The following PDE1A variants were observed in gnomAD, a reference collection of about 807,000 sequenced individuals.
The protein encoded by PDE1A is dual specificity calcium/calmodulin-dependent 3',5'-cyclic nucleotide phosphodiesterase 1A.
Under a neutral mutation model 61.7 loss-of-function variants are expected in PDE1A, and 35 were observed. The observed-to-expected ratio is 0.57, with a 90% CI of 0.43 to 0.75. The LOEUF (loss-of-function observed/expected upper bound fraction) is 0.75, where lower values mean the gene tolerates loss of function less well. Ranked by LOEUF, PDE1A falls within the 30% of genes least tolerant of loss-of-function variation. PDE1A has a pLI of 0.00. For missense variants in PDE1A, 597 were observed against 630.6 expected, an observed-to-expected ratio of 0.95 and a Z score of 0.57; for synonymous variants, 232 against 213.2, an observed-to-expected ratio of 1.09 and a Z score of -0.77.
At chr2:182,436,836 C>G (rs1684457891) in intron 2 of PDE1A, among the ~76,000 whole-genome samples, 1 of 151,962 alleles carries the variant, frequency 6.6e-6, no homozygotes, top group Non-Finnish European at 1.5e-5. Context: ...GGATTTGAAT[C>G]CAGTCTTTCT....
chr2:182,608,088 C>T, the PDE1A span, among the ~76,000 whole-genome samples: 2 of 152,154 alleles, frequency 1.3e-5, no homozygotes, highest in Non-Finnish European at 2.9e-5. Flanking sequence ...GAGTTTCCTC[C>T]GACCTTCTCC....
chr2:182,651,067 C>T, the PDE1A span, among the ~76,000 whole-genome samples: 2 of 152,152 alleles, frequency 1.3e-5, no homozygotes, highest in Non-Finnish European at 2.9e-5. Context: ...AGTGCAATGG[C>T]ATGATCTTTA....
chr2:182,711,697 A>G, the PDE1A span, among the ~76,000 whole-genome samples: 1 of 152,354 alleles, frequency 6.6e-6, no homozygotes, highest in East Asian at 1.9e-4. Flanking sequence ...CTTATTGTGC[A>G]CTAAAATAAG....
rs547136612 is a variant in PDE1A, at chr2:182,207,463, A to G, written c.777-1398T>C. On this transcript the variant is annotated intron_variant, in intron 7 of 13. Coordinates refer to ENST00000351439, the Ensembl canonical transcript of PDE1A. The stretch of plus-strand genomic sequence containing the variant: ...CCGGTGAAAGCAATGTCTAAGCAGC[A>G]AAGTGTTCAAGATGTGGTTTGGCTG... Among the ~76,000 whole-genome samples the G allele has an allele frequency of 2.6e-5, 4 of 152,350 alleles. No homozygotes were observed. The South Asian group carries it at 8.3e-4, about 32-fold the overall frequency.
intron 10 of PDE1A, among the ~76,000 whole-genome samples, chr2:182,194,395 T>C (rs1384509587): frequency 6.6e-6 from 1 of 152,130 alleles, no homozygotes; most frequent in Non-Finnish European, 1.5e-5. Context: ...TTGATCTCTC[T>C]CTCCTATCAG....
Position 182,189,061 on chromosome 2 carries a change from C to T in PDE1A, c.1126-1G>A. On this transcript the variant is annotated splice_acceptor_variant, in intron 10 of 13. Coordinates refer to ENST00000351439, the Ensembl canonical transcript of PDE1A. LOFTEE classifies it high-confidence loss of function. ...GCCCTAATTCAGCTTCTTTATCTCC[C>T]TGGAGAAAGAAAAGCACATTAATAT... is the stretch of plus-strand genomic sequence containing the variant. The T allele has an allele frequency of 6.2e-7, 1 of 1,606,732 alleles. No individual in the cohort carries two copies. Among genetic ancestry groups the T allele is most frequent in the Non-Finnish European group, 8.5e-7 (1 of 1,174,326 alleles).
chr2:182,592,253 C>T, the PDE1A span, among the ~76,000 whole-genome samples: 3 of 152,318 alleles, frequency 2.0e-5, no homozygotes, highest in South Asian at 6.2e-4. Context: ...TGTAATCCTA[C>T]TGCCAGAACA....
intron 1 of PDE1A, among the ~76,000 whole-genome samples, chr2:182,368,385 G>A (rs1310907635): frequency 8.1e-6 from 1 of 123,290 alleles, no homozygotes; most frequent in African/African-American, 3.1e-5. Flanking sequence ...AGTTTATGAA[G>A]TCTCCTTCAA....
chr2:182,438,339 C>T (rs1684574008), intron 2 of PDE1A, among the ~76,000 whole-genome samples: 1 of 151,984 alleles, frequency 6.6e-6, no homozygotes, highest in African/African-American at 2.4e-5. Context: ...CTGCGTTCAG[C>T]TTACTAAGAA....
chr2:182,543,822 G>A, the PDE1A span, among the ~76,000 whole-genome samples: 2 of 151,976 alleles, frequency 1.3e-5, no homozygotes, highest in African/African-American at 2.4e-5. Flanking sequence ...TTCTTAATAG[G>A]GTTTCTTTTT....
chr2:182,177,876 T>G (rs938224975), intron 13 of PDE1A, among the ~76,000 whole-genome samples: 2 of 152,196 alleles, frequency 1.3e-5, no homozygotes, highest in Non-Finnish European at 2.9e-5. Flanking sequence ...ATTAAATCAC[T>G]TAAATTCAAA....
intron 1 of PDE1A, among the ~76,000 whole-genome samples, chr2:182,328,561 T>C (rs1263416021): frequency 6.6e-6 from 1 of 152,068 alleles, no homozygotes; most frequent in Non-Finnish European, 1.5e-5. Flanking sequence ...GGAGTTGGAA[T>C]ACGAGAGGGA....
At chr2:182,170,804 T>C (rs1242081300) in intron 13 of PDE1A, among the ~76,000 whole-genome samples, 1 of 152,008 alleles carries the variant, frequency 6.6e-6, no homozygotes, top group Non-Finnish European at 1.5e-5. Context: ...CTACATTTGA[T>C]TTGGCATTAA....
At chr2:182,373,069 A>G (rs963912251) in intron 1 of PDE1A, among the ~76,000 whole-genome samples, 7 of 152,232 alleles carry the variant, frequency 4.6e-5, no homozygotes, top group Non-Finnish European at 1.0e-4. Flanking sequence ...ACGACCTCAC[A>G]TAATGCCAGT....
chr2:182,201,216 T>C (rs1686599900), intron 10 of PDE1A, among the ~76,000 whole-genome samples: 2 of 152,178 alleles, frequency 1.3e-5, no homozygotes, highest in Admixed American at 6.5e-5. Context: ...GACAGTAGCA[T>C]CTCAGATCCA....
intron 10 of PDE1A, 74 bp from the exon 11 acceptor site, chr2:182,189,134 G>A (rs1477437218): frequency 1.2e-6 from 1 of 806,386 alleles, no homozygotes; most frequent in Non-Finnish European, 2.0e-6. Flanking sequence ...AAGATATAAA[G>A]CCTAGAAAAG....
At chr2:182,410,914 G>T (rs1251849586) in intron 1 of PDE1A, among the ~76,000 whole-genome samples, 1 of 152,112 alleles carries the variant, frequency 6.6e-6, no homozygotes, top group Non-Finnish European at 1.5e-5. Context: ...GGTTTTCCCT[G>T]GAGCTTCATT....
the PDE1A span, among the ~76,000 whole-genome samples, chr2:182,644,263 CTGTGTGTG>C: frequency 0.069 from 8,529 of 123,098 alleles, 305 homozygotes; most frequent in Middle Eastern, 0.12. Flanking sequence ...TCTTAAGACT[CTGTGTGTG>C]TGTGTGTGTG....
chr2:182,686,591 CTCCCAGTG>C, the PDE1A span, among the ~76,000 whole-genome samples: 2 of 152,214 alleles, frequency 1.3e-5, no homozygotes, highest in African/African-American at 4.8e-5. Context: ...CAGTCTACAG[CTCCCAGTG>C]TGAGCAATGC....
Sources: allele counts gnomAD v4.1 joint callset (sites outside exome capture counted in the v4.1 genomes callset), GRCh38; gene constraint gnomAD v4.1.1; transcripts MANE v1.5; gene names NCBI Gene and HGNC (gene_info 2026-07-23, HGNC 2026-07-21).